CGAS: variants seen among roughly 807,000 people sequenced by gnomAD.
CGAS encodes 2'3'-cGAMP synthase.
A neutral mutation model predicts 34.0 loss-of-function variants in CGAS; 31 were observed. The ratio of observed to expected loss-of-function variants is 0.91; its 90% confidence interval spans 0.69 to 1.23. The LOEUF (loss-of-function observed/expected upper bound fraction) is 1.23. Among genes scored for constraint, CGAS ranks in the 50% most tolerant of loss-of-function variants. The pLI, the probability that CGAS is intolerant of heterozygous loss-of-function variation, is 0.00. For synonymous variants in CGAS, 266 were observed against 260.0 expected (o/e 1.02, Z -0.22); for missense variants, 597 against 657.6 (o/e 0.91, Z 1.01).
intron 4 of CGAS, among the ~76,000 whole-genome samples, chr6:73,426,250 T>C (rs1770084051): frequency 6.6e-6 from 1 of 150,894 alleles, no homozygotes; most frequent in African/African-American, 2.4e-5. Context: ...GCCACTGCAC[T>C]CCAGCCTGGG....
At chr6:73,444,310 AATTTT>A (rs1562294139) in intron 2 of CGAS, among the ~76,000 whole-genome samples, 12 of 149,394 alleles carry the variant, frequency 8.0e-5, no homozygotes, top group South Asian at 2.1e-4. Flanking sequence ...AATTTAATTT[AATTTT>A]ATTTTATTTT....
intron 3 of CGAS, among the ~76,000 whole-genome samples, chr6:73,432,829 A>G (rs1770214622): frequency 6.6e-6 from 1 of 152,146 alleles, no homozygotes; most frequent in Non-Finnish European, 1.5e-5. Flanking sequence ...CACGCCTGTC[A>G]TCCCAGTACT....
chr6:73,445,786 T>C (rs371723700), intron 1 of CGAS, 39 bp from the exon 2 acceptor site: 21 of 1,445,588 alleles, frequency 1.5e-5, no homozygotes, highest in Admixed American at 2.2e-5. Flanking sequence ...TATTTGCTTA[T>C]GAATATTTTC....
rs183933066 is a variant in CGAS, at chr6:73,429,121, T to C, written c.1115-310A>G. The stretch of plus-strand genomic sequence containing the variant: ...AGGAGAATCACTTGAACCTGGGAGG[T>C]GGAGGTTGCAGTGAGCCGAGATTGC... On this transcript the variant is annotated intron_variant, in intron 3 of 4. Coordinates refer to ENST00000370315, the MANE Select transcript of CGAS (RefSeq NM_138441.3). Among the ~76,000 whole-genome samples, 386 of 146,360 alleles carry C rather than the reference T, an allele frequency of 2.6e-3. 1 individual carries two copies. The highest frequency in any genetic ancestry group is 9.4e-3 in the African/African-American group (371 of 39,350).
chr6:73,429,198 A>AAG, intron 3 of CGAS, among the ~76,000 whole-genome samples: 1 of 151,878 alleles, frequency 6.6e-6, no homozygotes, highest in African/African-American at 2.4e-5. Flanking sequence ...CAAAAAAAAA[A>AAG]AAAGAAAGAA....
At chr6:73,439,502 G>T (rs1158838828) in intron 3 of CGAS, among the ~76,000 whole-genome samples, 1 of 148,328 alleles carries the variant, frequency 6.7e-6, no homozygotes, top group African/African-American at 2.5e-5. Context: ...AAAAAAGAAA[G>T]AAAGAAAAAA....
Position 73,440,218 on chromosome 6 carries a change from C to G in CGAS, c.1105G>C (p.Gly369Arg). 2 of 1,608,828 alleles carry G rather than the reference C, an allele frequency of 1.2e-6. No homozygotes were observed. The highest frequency in any genetic ancestry group is 2.2e-5 in the East Asian group (1 of 44,834). ...LVPKHAKEGN[G>R]FQEETWRLSF... Reference sequence around the variant, plus strand: ...TTAATATTTAAAATACCTTGGAAACCATTTCCTTCCTTTGCATGCTTGGGT... The same window carrying G: ...TTAATATTTAAAATACCTTGGAAACGATTTCCTTCCTTTGCATGCTTGGGT... Residue 369 changes from glycine (G) to arginine (R), a missense_variant, in exon 3 of 5, where the codon GGT (glycine) becomes CGT (arginine). Coordinates refer to ENST00000370315, the MANE Select transcript of CGAS (RefSeq NM_138441.3).
intron 2 of CGAS, among the ~76,000 whole-genome samples, chr6:73,440,759 G>A (rs919267529): frequency 6.6e-6 from 1 of 151,906 alleles, no homozygotes; most frequent in Non-Finnish European, 1.5e-5. Context: ...AAAATTAGCC[G>A]GGCATGGTGG....
At chr6:73,431,723 A>G (rs949741339) in intron 3 of CGAS, among the ~76,000 whole-genome samples, 2 of 152,246 alleles carry the variant, frequency 1.3e-5, no homozygotes, top group African/African-American at 4.8e-5. Flanking sequence ...TATGAACCTT[A>G]TTTGAATCCT....
At chr6:73,437,608 A>G (rs1770300571) in intron 3 of CGAS, among the ~76,000 whole-genome samples, 1 of 152,060 alleles carries the variant, frequency 6.6e-6, no homozygotes, top group Admixed American at 6.6e-5. Flanking sequence ...CTGGCTGAAC[A>G]TTTTTTTGAG....
chr6:73,443,296 G>A (rs546195268), intron 2 of CGAS, among the ~76,000 whole-genome samples: 1 of 134,216 alleles, frequency 7.5e-6, no homozygotes, highest in South Asian at 2.5e-4. Flanking sequence ...CTGGAGTTCA[G>A]TGGCGCGGTC....
In CGAS at chr6:73,447,340, A is replaced by G. The variant is rs535674067; in HGVS notation, c.658-1593T>C. On this transcript the variant is annotated intron_variant, in intron 1 of 4. Coordinates refer to ENST00000370315, the MANE Select transcript of CGAS (RefSeq NM_138441.3). ...CGCTTGTCACTGAGGCTGGAGTGCA[A>G]TGGAGCAAGCTTGGCTCACTGCAAC... 3.3e-5 allele frequency among the ~76,000 whole-genome samples: 5 copies of G among 152,034 alleles called. No homozygotes were observed. The South Asian group carries it at 6.2e-4, about 19-fold the overall frequency.
intron 3 of CGAS, among the ~76,000 whole-genome samples, chr6:73,435,918 C>T (rs1214450267): frequency 6.6e-6 from 1 of 151,598 alleles, no homozygotes; most frequent in Non-Finnish European, 1.5e-5. Context: ...GTATTATTAC[C>T]AATAATACAC....
chr6:73,425,128 C>T lies in CGAS; in HGVS notation c.*99G>A, dbSNP rs1770062775. ...CTCGGCCTCCAAAGAGCTGGGATTACAGGTGTGAGCCACAGCGTCTGGCCC... is the reference window on the plus strand; with the variant it reads ...CTCGGCCTCCAAAGAGCTGGGATTATAGGTGTGAGCCACAGCGTCTGGCCC... On this transcript the variant is annotated 3_prime_UTR_variant, in exon 5 of 5. Transcript: ENST00000370315. The T allele has an allele frequency of 2.3e-6, 2 of 877,624 alleles. No homozygotes were observed. Among genetic ancestry groups the T allele is most frequent in the African/African-American group, 1.7e-5 (1 of 58,234 alleles). The allele number at this position is 877,624 out of a possible 1,614,324, so 54.4% of individuals were successfully genotyped here. A position where few individuals can be genotyped will look rare whatever the true frequency, so the allele number is the denominator to read the frequency against.
At position 73,445,764 on chromosome 6, in the gene CGAS, A is replaced by G. The variant is rs1174517868; in HGVS notation, c.658-17T>C. On this transcript the variant is annotated splice_polypyrimidine_tract_variant and intron_variant, in intron 1 of 4. Coordinates refer to ENST00000370315, the MANE Select transcript of CGAS (RefSeq NM_138441.3). ...TGCAGAAATCTAAGAAACAGTAAAA[A>G]TAGTACTGAAATATTTGCTTATGAA... 6.5e-7 allele frequency: 1 copy of G among 1,540,792 alleles called. No individual in the cohort carries two copies. The highest frequency in any genetic ancestry group is 1.4e-5 in the African/African-American group (1 of 72,310).
intron 3 of CGAS, among the ~76,000 whole-genome samples, chr6:73,436,407 A>C (rs1770280200): frequency 6.7e-6 from 1 of 149,032 alleles, no homozygotes; most frequent in East Asian, 1.9e-4. Flanking sequence ...TTTACATGTA[A>C]TATATTATGT....
rs1770069852 is a variant in CGAS at position 73,425,492 on chromosome 6, G to C, written c.1304C>G (p.Ser435Cys). 1 of 1,613,558 alleles carries C rather than the reference G, an allele frequency of 6.2e-7. No homozygotes were observed. Among genetic ancestry groups the C allele is most frequent in the African/African-American group, 1.3e-5 (1 of 74,904 alleles). ...KDKKHLDKFS[S>C]YHVKTAFFHV... The stretch of plus-strand genomic sequence containing the variant: ...AAAGAAGGCAGTTTTCACATGATAA[G>C]AAGAGAATTTATCCAGATGTTTTTT... The change falls in exon 5 of 5, where the codon TCT (serine) becomes TGT (cysteine). Residue 435 changes from serine (S) to cysteine (C), a missense_variant. Ser to Cys is a moderately radical substitution (Grantham distance 112, BLOSUM62 -1). This residue lies in a region of CGAS where 271 missense variants were observed against 324.1 expected (regional missense o/e 0.84). Coordinates refer to ENST00000370315, the MANE Select transcript of CGAS (RefSeq NM_138441.3).
chr6:73,449,792 C>G (rs950509736), intron 1 of CGAS, among the ~76,000 whole-genome samples: 2 of 150,246 alleles, frequency 1.3e-5, no homozygotes, highest in Non-Finnish European at 1.5e-5. Context: ...GGTCAGAGTT[C>G]GAGACCAGCC....
chr6:73,426,735 T>A (rs1770095588), intron 4 of CGAS, among the ~76,000 whole-genome samples: 1 of 152,180 alleles, frequency 6.6e-6, no homozygotes, highest in Non-Finnish European at 1.5e-5. Context: ...ACAGAATTAT[T>A]TACATTATTA....
Sources: gnomAD v4.1 joint callset for allele counts (sites outside exome capture counted in the v4.1 genomes callset) on GRCh38, gnomAD v4.1.1 for gene constraint, gnomAD v4.1.1 regional missense constraint, MANE v1.5 for transcripts, NCBI Gene and HGNC (gene_info 2026-07-23, HGNC 2026-07-21) for gene names.